The following SLC35F2 variants were observed in gnomAD, a reference collection of about 807,000 sequenced individuals.
SLC35F2 encodes solute carrier family 35 member F2.
A neutral mutation model predicts 38.1 loss-of-function variants in SLC35F2; 25 were observed. That is an observed-to-expected ratio of 0.66 (90% CI 0.48 to 0.92). The LOEUF (loss-of-function observed/expected upper bound fraction) is 0.92. SLC35F2 is among the 40% of genes least tolerant of loss of function. The pLI, the probability that SLC35F2 is intolerant of heterozygous loss-of-function variation, is 0.00. For synonymous variants in SLC35F2, 173 were observed against 181.7 expected (o/e 0.95, Z 0.38); for missense variants, 409 against 452.9 (o/e 0.90, Z 0.88).
chr11:107,843,871 ATATATATATAT>A (rs1565440752), intron 1 of SLC35F2, among the ~76,000 whole-genome samples: 1,517 of 39,420 alleles, frequency 0.038, 52 homozygotes, highest in African/African-American at 0.074. Context: ...AAAAAAAAAT[ATATATATATAT>A]ATATATATAT....
At position 107,804,585 on chromosome 11, in the gene SLC35F2, A is replaced by G. The variant is rs867044012; in HGVS notation, c.784+133T>C. The G allele has an allele frequency of 4.3e-5, 27 of 630,194 alleles. 1 individual carries two copies. In the South Asian group the frequency reaches 5.0e-4, roughly 12 times the overall value. The allele number at this position is 630,194 out of a possible 1,614,324, so 39.0% of individuals were successfully genotyped here. On this transcript the variant is annotated intron_variant, in intron 6 of 7. Transcript: ENST00000525815. ...CAGAGAAAACTCAATGTAAACCACT[A>G]TAGTTGATATGTATTAAATCACTCC...
intron 6 of SLC35F2, chr11:107,803,551 T>TA (rs1859347734): frequency 2.1e-6 from 2 of 967,896 alleles, no homozygotes; most frequent in African/African-American, 3.5e-5. Context: ...TCTTTGCTTT[T>TA]GTTTGGTTGG....
At chr11:107,839,725 C>CTCA (rs1859986708) in intron 1 of SLC35F2, among the ~76,000 whole-genome samples, 1 of 152,158 alleles carries the variant, frequency 6.6e-6, no homozygotes, top group Non-Finnish European at 1.5e-5. Flanking sequence ...GCGATCTCGG[C>CTCA]TCATCGCAAC....
intron 2 of SLC35F2, among the ~76,000 whole-genome samples, chr11:107,814,681 G>C (rs1459356508): frequency 6.6e-6 from 1 of 152,104 alleles, no homozygotes; most frequent in Non-Finnish European, 1.5e-5. Flanking sequence ...CAATGTATCT[G>C]GCTGGGCCCA....
At chr11:107,846,257 G>GA (rs1381136808) in intron 1 of SLC35F2, among the ~76,000 whole-genome samples, 2 of 151,676 alleles carry the variant, frequency 1.3e-5, no homozygotes, top group Non-Finnish European at 2.9e-5. Context: ...AAAAAAGGCT[G>GA]AAAAAAATCA....
chr11:107,843,859 AAAAAAAAAAATATATATATATATATAT>A (rs1391282932), intron 1 of SLC35F2, among the ~76,000 whole-genome samples: 16 of 38,802 alleles, frequency 4.1e-4, no homozygotes, highest in African/African-American at 1.3e-3. Context: ...AAAAAAAAAA[AAAAAAAAAAATATATATATATATATAT>A]ATATATATAT....
chr11:107,827,470 T>C (rs1297826253), intron 1 of SLC35F2, among the ~76,000 whole-genome samples: 1 of 151,908 alleles, frequency 6.6e-6, no homozygotes, highest in Non-Finnish European at 1.5e-5. Context: ...CAAAAATGGC[T>C]GGATGTGGTG....
chr11:107,802,242 A>AAAAAAAAAAAAAAATAAAG (rs559048077), intron 7 of SLC35F2, among the ~76,000 whole-genome samples: 1 of 147,892 alleles, frequency 6.8e-6, no homozygotes. Flanking sequence ...CATCTCAAAA[A>AAAAAAAAAAAAAAATAAAG]AAATAAATAA....
chr11:107,845,748 T>G (rs1008227924), intron 1 of SLC35F2, among the ~76,000 whole-genome samples: 2 of 150,826 alleles, frequency 1.3e-5, no homozygotes, highest in Admixed American at 6.6e-5. Context: ...AGGTCAGGAG[T>G]TCAAGACCAG....
At chr11:107,827,666 T>C (rs150915024) in intron 1 of SLC35F2, among the ~76,000 whole-genome samples, 2 of 150,972 alleles carry the variant, frequency 1.3e-5, no homozygotes, top group Non-Finnish European at 2.9e-5. Flanking sequence ...AGAGAATCAC[T>C]AGAACCCAGG....
intron 1 of SLC35F2, among the ~76,000 whole-genome samples, chr11:107,819,230 G>A (rs1859632599): frequency 6.6e-6 from 1 of 152,178 alleles, no homozygotes; most frequent in Non-Finnish European, 1.5e-5. Flanking sequence ...CTTAGGGCAT[G>A]AGCATCTTCA....
At chr11:107,853,913 C>T (rs780731278) in intron 1 of SLC35F2, among the ~76,000 whole-genome samples, 8 of 151,828 alleles carry the variant, frequency 5.3e-5, no homozygotes, top group Non-Finnish European at 1.0e-4. Context: ...ACAAGGAATA[C>T]GCGTTTTTAA....
chr11:107,857,952 A>C (rs1860320292), intron 1 of SLC35F2, among the ~76,000 whole-genome samples: 1 of 152,178 alleles, frequency 6.6e-6, no homozygotes, highest in African/African-American at 2.4e-5. Flanking sequence ...GTCTTTCACT[A>C]TTTAGGTCCT....
intron 1 of SLC35F2, among the ~76,000 whole-genome samples, chr11:107,833,989 T>C (rs1859890736): frequency 6.6e-6 from 1 of 152,232 alleles, no homozygotes; most frequent in Non-Finnish European, 1.5e-5. Flanking sequence ...TAGATATAGA[T>C]GCTATGCCGG....
At chr11:107,844,482 G>A (rs1303746408) in intron 1 of SLC35F2, among the ~76,000 whole-genome samples, 4 of 150,564 alleles carry the variant, frequency 2.7e-5, no homozygotes, top group Admixed American at 6.7e-5. Context: ...AAAATTAGCC[G>A]GGCCTGGTGG....
chr11:107,856,910 AGGGAGG>A (rs1860296560), intron 1 of SLC35F2, among the ~76,000 whole-genome samples: 1 of 24,570 alleles, frequency 4.1e-5, no homozygotes, highest in South Asian at 1.6e-3. Flanking sequence ...GAAGGAAGGG[AGGGAGG>A]GAGGGAGGGA....
chr11:107,855,525 GCC>G (rs779573616), intron 1 of SLC35F2, among the ~76,000 whole-genome samples: 6 of 151,988 alleles, frequency 3.9e-5, no homozygotes, highest in Non-Finnish European at 7.4e-5. Context: ...GGTGGTGCAT[GCC>G]TGTAATCCCA....
rs1859564863 is a variant in SLC35F2, at chr11:107,815,917, T to C, written c.159A>G (p.Ile53Met). 1 of 1,613,680 alleles carries C rather than the reference T, an allele frequency of 6.2e-7. No homozygotes were observed. The highest frequency in any genetic ancestry group is 8.5e-7 in the Non-Finnish European group (1 of 1,179,988). The change falls in exon 2 of 8, where the codon ATA (isoleucine) becomes ATG (methionine). Residue 53 changes from isoleucine to methionine, a missense_variant. Coordinates refer to ENST00000525815, the MANE Select transcript of SLC35F2 (RefSeq NM_017515.5). ...IALGQMLSLC[I>M]CGTAITSQYL... is the part of the protein sequence containing the mutation. The stretch of plus-strand genomic sequence containing the variant: ...ACTGGCTGGTGATGGCTGTCCCACA[T>C]ATACACAAGGACAACATCTGACCCA...
At chr11:107,796,400 A>G (rs1042415393) in intron 7 of SLC35F2, among the ~76,000 whole-genome samples, 1 of 152,226 alleles carries the variant, frequency 6.6e-6, no homozygotes, top group African/African-American at 2.4e-5. Flanking sequence ...TGGACAAATG[A>G]ATAACGAAAA....
Sources: gnomAD v4.1 joint callset for allele counts (sites outside exome capture counted in the v4.1 genomes callset) on GRCh38, gnomAD v4.1.1 for gene constraint, MANE v1.5 for transcripts, NCBI Gene and HGNC (gene_info 2026-07-23, HGNC 2026-07-21) for gene names.